Variants in CCNH observed in about 807,000 individuals in gnomAD.
The protein encoded by CCNH is cyclin H.
Under a neutral mutation model 41.9 loss-of-function variants are expected in CCNH, and 31 were observed. The observed-to-expected ratio is 0.74, with a 90% confidence interval of 0.56 to 1.00. CCNH has a LOEUF of 1.00. CCNH is among the 50% of genes least tolerant of loss of function. CCNH has a pLI of 0.00. For missense variants in CCNH, 362 were observed against 388.4 expected, an observed-to-expected ratio of 0.93 and a Z score of 0.57; for synonymous variants, 138 against 136.1, an observed-to-expected ratio of 1.01 and a Z score of -0.10.
downstream of CCNH, chr5:87,393,731 C>G (rs1206077266): frequency 1.3e-5 from 2 of 152,160 alleles, no homozygotes; most frequent in African/African-American, 4.8e-5. Flanking sequence ...AAAACTGAGG[C>G]AGAGGATCAC....
downstream of CCNH, chr5:87,374,360 A>T: frequency 6.4e-7 from 1 of 1,558,428 alleles, no homozygotes; most frequent in Non-Finnish European, 8.8e-7. Context: ...ATTTTCTTTT[A>T]CCATATTGCA....
chr5:87,353,228 C>A (rs574202455), intron 9 of CCNH: 1 of 1,600,946 alleles, frequency 6.2e-7, no homozygotes, highest in Non-Finnish European at 8.6e-7. Context: ...GAACCTGTAC[C>A]AATGCAGGTC....
At chr5:87,380,543 T>A (rs878854571), upstream of CCNH, 4 of 1,613,306 alleles carry the variant, frequency 2.5e-6, no homozygotes, top group Non-Finnish European at 2.5e-6. Flanking sequence ...TTTACAGAAA[T>A]CTGTTCAGCA....
At chr5:87,379,681 A>T, upstream of CCNH, 1 of 1,597,584 alleles carries the variant, frequency 6.3e-7, no homozygotes, top group African/African-American at 1.3e-5. Context: ...TCCTCTATTC[A>T]TTTGCATTTG....
intron 7 of CCNH, among the ~76,000 whole-genome samples, 159 bp downstream of exon 7, chr5:87,399,235 T>C (rs1400663682): frequency 6.6e-6 from 1 of 152,214 alleles, no homozygotes; most frequent in African/African-American, 2.4e-5. Context: ...GCCGAACTAT[T>C]ACCTTAATCT....
chr5:87,327,871 A>C (rs1757340745), intron 9 of CCNH, among the ~76,000 whole-genome samples: 1 of 152,044 alleles, frequency 6.6e-6, no homozygotes, highest in Non-Finnish European at 1.5e-5. Flanking sequence ...AGGCAGAGAC[A>C]GGAGAATCAC....
intron 9 of CCNH, among the ~76,000 whole-genome samples, chr5:87,356,123 G>A (rs1759630848): frequency 6.6e-6 from 1 of 152,170 alleles, no homozygotes; most frequent in East Asian, 1.9e-4. Flanking sequence ...ACTTGATAAA[G>A]CAGCAAGAGG....
At position 87,395,648 on chromosome 5, in the gene CCNH, G is replaced by A. The variant is rs1466759469; in HGVS notation, c.873-544C>T. On this transcript the variant is annotated intron_variant, in intron 7 of 8. Coordinates refer to ENST00000256897, the MANE Select transcript of CCNH (RefSeq NM_001239.4). ...AGCTCTTTAGGAGGCCGAGGCGTCA[G>A]ATCGCCTGAGCCCAAGAGTTTGAGG... Among the ~76,000 whole-genome samples, 9 of 152,338 alleles carry A rather than the reference G, an allele frequency of 5.9e-5. No individual in the cohort carries two copies. In the East Asian group the frequency reaches 1.7e-3, roughly 29 times the overall value.
chr5:87,319,488 C>T (rs1400484554), intron 9 of CCNH, among the ~76,000 whole-genome samples: 1 of 152,224 alleles, frequency 6.6e-6, no homozygotes, highest in Non-Finnish European at 1.5e-5. Context: ...ACCCACAGAC[C>T]CAACACCATG....
At chr5:87,368,280 A>G (rs148736276) in intron 9 of CCNH, among the ~76,000 whole-genome samples, 11 of 152,142 alleles carry the variant, frequency 7.2e-5, no homozygotes, top group African/African-American at 2.7e-4. Flanking sequence ...TCATTTTATT[A>G]CATTTTTTTC....
chr5:87,312,676 A>T, the CCNH span, among the ~76,000 whole-genome samples: 2 of 152,294 alleles, frequency 1.3e-5, no homozygotes, highest in East Asian at 1.9e-4. Flanking sequence ...AATCTCAGGG[A>T]TATCTGGAAC....
intron 9 of CCNH, among the ~76,000 whole-genome samples, chr5:87,360,612 A>G (rs1012283997): frequency 6.6e-6 from 1 of 152,190 alleles, no homozygotes; most frequent in Non-Finnish European, 1.5e-5. Flanking sequence ...GCCCTTTAAT[A>G]TTTGCCCATT....
At chr5:87,400,292 C>A (rs1763301578) in intron 6 of CCNH, among the ~76,000 whole-genome samples, 1 of 152,164 alleles carries the variant, frequency 6.6e-6, no homozygotes, top group Non-Finnish European at 1.5e-5. Flanking sequence ...AGGACAGTAT[C>A]TATGTTCCAA....
At chr5:87,318,205 T>G (rs549153450), downstream of CCNH, among the ~76,000 whole-genome samples, 13 of 152,270 alleles carry the variant, frequency 8.5e-5, no homozygotes, top group South Asian at 1.0e-3. Flanking sequence ...GATTCCCTAC[T>G]GTATGCAAAG....
At chr5:87,406,069 AT>A (rs1438853785) in intron 4 of CCNH, among the ~76,000 whole-genome samples, 3 of 152,136 alleles carry the variant, frequency 2.0e-5, no homozygotes, top group Non-Finnish European at 4.4e-5. Flanking sequence ...AATGTCTTTG[AT>A]AATTCTCAGA....
intron 9 of CCNH, among the ~76,000 whole-genome samples, chr5:87,350,577 C>T (rs1167817763): frequency 1.3e-5 from 2 of 151,534 alleles, no homozygotes; most frequent in Non-Finnish European, 3.0e-5. Context: ...GGAAATTCTT[C>T]CTACATACTG....
chr5:87,389,556 T>C (rs1277560458), downstream of CCNH: 2 of 1,611,160 alleles, frequency 1.2e-6, no homozygotes, highest in South Asian at 2.2e-5. Context: ...TCATTAACAA[T>C]GATGTTTCAA....
Position 87,337,852 on chromosome 5 carries a change from G to C in CCNH, c.*91-18955C>G. Reference sequence around the variant, plus strand: ...AATAGGATACAAATTTAGGGTGTTTGACTCTAATTCCTTACATTTTTCAAT... The same window carrying C: ...AATAGGATACAAATTTAGGGTGTTTCACTCTAATTCCTTACATTTTTCAAT... On this transcript the variant is annotated intron_variant and NMD_transcript_variant, in intron 9 of 9. Coordinates refer to the CCNH transcript ENST00000645953. 3.8e-6 allele frequency: 4 copies of C among 1,045,356 alleles called. No homozygotes were observed. The South Asian group carries it at 9.0e-5, about 24-fold the overall frequency. 64.8% of individuals were successfully genotyped at this position (1,045,356 alleles called of 1,614,324 possible).
intron 9 of CCNH, chr5:87,383,678 T>TAAAAAA: frequency 7.6e-7 from 1 of 1,319,676 alleles, no homozygotes; most frequent in Non-Finnish European, 1.0e-6. Context: ...AGGTGTTTTC[T>TAAAAAA]AAAAAAAAAA....
Sources: allele counts gnomAD v4.1 joint callset (sites outside exome capture counted in the v4.1 genomes callset), GRCh38; gene constraint gnomAD v4.1.1; transcripts MANE v1.5; gene names NCBI Gene and HGNC (gene_info 2026-07-23, HGNC 2026-07-21).